Variants in MAMLD1 observed in about 807,000 individuals in gnomAD.
The protein encoded by MAMLD1 is mastermind-like domain-containing protein 1.
Under a neutral mutation model 45.0 loss-of-function variants are expected in MAMLD1, and 14 were observed. The observed-to-expected ratio is 0.31, with a 90% CI of 0.21 to 0.49. The LOEUF (loss-of-function observed/expected upper bound fraction) is 0.49, where lower values mean the gene tolerates loss of function less well. Ranked by LOEUF, MAMLD1 falls within the 20% of genes least tolerant of loss-of-function variation. The probability of loss-of-function intolerance (pLI) is 0.99; values close to 1 mark genes in which losing one functional copy is unlikely to be tolerated. For synonymous variants in MAMLD1, 254 were observed against 247.8 expected, an observed-to-expected ratio of 1.02 and a Z score of -0.24; for missense variants, 543 against 603.6, an observed-to-expected ratio of 0.90 and a Z score of 1.05.
At chrX:150,463,334 T>C (rs1188544158) in intron 3 of MAMLD1, among the ~76,000 whole-genome samples, 1 of 111,991 alleles carries the variant, frequency 8.9e-6, no homozygotes, top group Admixed American at 9.4e-5. Context: ...TGAGGATTTC[T>C]TCCTGTGAAA....
intron 5 of MAMLD1, among the ~76,000 whole-genome samples, chrX:150,482,717 C>G (rs1472026479): frequency 1.8e-5 from 2 of 112,165 alleles, no homozygotes; most frequent in Non-Finnish European, 3.8e-5. Context: ...TTGTATGGGC[C>G]ATCTGGGTTT....
chrX:150,496,333 C>T (rs191977576), intron 5 of MAMLD1, among the ~76,000 whole-genome samples: 4 of 112,734 alleles, frequency 3.5e-5, no homozygotes, highest in Non-Finnish European at 5.6e-5. Flanking sequence ...GTTCAGCTTC[C>T]AGCTCTGCCA....
At chrX:150,432,244 G>A (rs2034978418) in intron 1 of MAMLD1, among the ~76,000 whole-genome samples, 1 of 111,182 alleles carries the variant, frequency 9.0e-6, no homozygotes, top group Non-Finnish European at 1.9e-5. Flanking sequence ...GTATCTATTC[G>A]TGTGCTCTGC....
chrX:150,378,323 T>C (rs782291838), intron 1 of MAMLD1, among the ~76,000 whole-genome samples: 3 of 112,415 alleles, frequency 2.7e-5, no homozygotes, highest in East Asian at 5.6e-4. Flanking sequence ...CAGTGTATCA[T>C]ATCAGGAGGT....
In MAMLD1 at chrX:150,388,564, A is replaced by G. The variant is rs184002066; in HGVS notation, c.-64+25034A>G. On this transcript the variant is annotated intron_variant, in intron 1 of 7. Transcript: ENST00000370401. ...TGCTATTCAAATTGTTTATTTTGGT[A>G]GTTTGTGCTGTGCAAGGAATTGGTC... 3.1e-3 allele frequency among the ~76,000 whole-genome samples: 347 copies of G among 111,978 alleles called. 3 individuals are homozygous for G. Among genetic ancestry groups the G allele is most frequent in the African/African-American group, 0.011 (326 of 30,911 alleles).
chrX:150,433,308 T>C (rs2035014966), intron 1 of MAMLD1, among the ~76,000 whole-genome samples: 1 of 112,314 alleles, frequency 8.9e-6, no homozygotes, highest in African/African-American at 3.2e-5. Flanking sequence ...AGGTAACTTT[T>C]AGGCAAGAAT....
At chrX:150,461,964 A>G (rs1382734603) in intron 2 of MAMLD1, among the ~76,000 whole-genome samples, 1 of 112,231 alleles carries the variant, frequency 8.9e-6, no homozygotes, top group Non-Finnish European at 1.9e-5. Context: ...CAATGCAGCC[A>G]TACCTAAGAG....
At chrX:150,447,365 G>A (rs1385664816) in intron 2 of MAMLD1, among the ~76,000 whole-genome samples, 6 of 111,887 alleles carry the variant, frequency 5.4e-5, no homozygotes, top group Non-Finnish European at 1.1e-4. Context: ...AGAAGACCAA[G>A]AATTCACCCC....
At chrX:150,446,471 G>A (rs2035491444) in intron 2 of MAMLD1, among the ~76,000 whole-genome samples, 1 of 111,776 alleles carries the variant, frequency 8.9e-6, no homozygotes, top group Admixed American at 9.5e-5. Flanking sequence ...CAATTCCCAG[G>A]GCAATCCACT....
chrX:150,379,608 C>T (rs1234493491), intron 1 of MAMLD1, among the ~76,000 whole-genome samples: 1 of 111,807 alleles, frequency 8.9e-6, no homozygotes, highest in Non-Finnish European at 1.9e-5. Flanking sequence ...AAAGTTAGAA[C>T]TGTACAAAAA....
intron 1 of MAMLD1, among the ~76,000 whole-genome samples, chrX:150,384,825 T>C (rs1008554625): frequency 8.9e-6 from 1 of 111,857 alleles, no homozygotes; most frequent in Non-Finnish European, 1.9e-5. Flanking sequence ...ATATTCAAGG[T>C]GTACATGATT....
intron 3 of MAMLD1, 130 bp downstream of exon 3, chrX:150,462,976 G>C: frequency 3.6e-6 from 2 of 551,106 alleles, no homozygotes; most frequent in Non-Finnish European, 6.3e-6. Flanking sequence ...CCAGGGAGAA[G>C]TGAGAAGGTT....
At chrX:150,391,402 T>C (rs1557402176) in intron 1 of MAMLD1, among the ~76,000 whole-genome samples, 1 of 111,343 alleles carries the variant, frequency 9.0e-6, no homozygotes, top group Non-Finnish European at 1.9e-5. Context: ...TTAGATTACT[T>C]TCTCTTTGTT....
chrX:150,369,345 A>G (rs1569564319), intron 1 of MAMLD1, among the ~76,000 whole-genome samples: 2 of 112,183 alleles, frequency 1.8e-5, no homozygotes, highest in East Asian at 2.8e-4. Flanking sequence ...TGGTTTGTGA[A>G]TGAAATAGTC....
chrX:150,470,886 C>T lies in MAMLD1; in HGVS notation c.1313C>T (p.Thr438Ile). ...LANLMSSTIK[T>I]PQGHLMSALP... Reference sequence around the variant, plus strand: ...AACCTCATGTCCTCTACCATCAAAACCCCTCAAGGACACCTGATGTCTGCT... The same window carrying T: ...AACCTCATGTCCTCTACCATCAAAATCCCTCAAGGACACCTGATGTCTGCT... The change falls in exon 4 of 8, where the codon ACC becomes ATC. Residue 438 changes from threonine to isoleucine, a missense_variant. Thr to Ile is a moderately conservative substitution (Grantham distance 89). Transcript: ENST00000370401. The T allele has an allele frequency of 5.0e-6, 6 of 1,211,713 alleles. No individual in the cohort carries two copies. The highest frequency in any genetic ancestry group is 6.7e-6 in the Non-Finnish European group (6 of 895,523).
chrX:150,418,275 G>A (rs1344854862), intron 1 of MAMLD1, among the ~76,000 whole-genome samples: 11 of 111,073 alleles, frequency 9.9e-5, no homozygotes, highest in South Asian at 3.7e-4. Context: ...CTGTGGGATC[G>A]GTGGTGATAT....
At position 150,512,766 on chromosome X, in the gene MAMLD1, CTGCTGCTTCTGCCGT is replaced by C. The variant is rs1250222118; in HGVS notation, c.*814_*828del. 9.5e-6 allele frequency: 11 copies of C among 1,155,487 alleles called. No homozygotes were observed. The highest frequency in any genetic ancestry group is 1.3e-5 in the Non-Finnish European group (11 of 872,291). On this transcript the variant is annotated 3_prime_UTR_variant, in exon 8 of 8. Transcript: ENST00000370401. ...TATGTGGCTGCTGCTGCCACCGCTG[CTGCTGCTTCTGCCGT>C]TGCTGCCAGCCAGTTCCCAGGTCCG...
chrX:150,488,323 T>G (rs1277369645), intron 5 of MAMLD1, among the ~76,000 whole-genome samples: 1 of 112,486 alleles, frequency 8.9e-6, no homozygotes, highest in Non-Finnish European at 1.9e-5. Context: ...CTAATCTGGG[T>G]CAACACCACA....
intron 1 of MAMLD1, among the ~76,000 whole-genome samples, chrX:150,427,790 G>A (rs1451647086): frequency 7.1e-5 from 8 of 112,018 alleles, no homozygotes; most frequent in Admixed American, 1.9e-4. Flanking sequence ...GGTGAGGGTT[G>A]TGGGACTCAG....
Sources: gnomAD v4.1 joint callset for allele counts (sites outside exome capture counted in the v4.1 genomes callset) on GRCh38, gnomAD v4.1.1 for gene constraint, MANE v1.5 for transcripts, NCBI Gene and HGNC (gene_info 2026-07-23, HGNC 2026-07-21) for gene names.